The following ADGRL2 variants were observed in gnomAD, a reference collection of about 807,000 sequenced individuals.
ADGRL2 encodes adhesion G protein-coupled receptor L2, also known as calcium-independent alpha-latrotoxin receptor 2.
ADGRL2 carries 44 observed loss-of-function variants against 157.4 expected under a neutral mutation model. The observed-to-expected ratio is 0.28, with a 90% CI of 0.22 to 0.36. ADGRL2 has a LOEUF of 0.36. Among genes scored for constraint, ADGRL2 ranks in the 10% least tolerant of loss-of-function variants. The probability of loss-of-function intolerance (pLI) is 1.00; values close to 1 mark genes in which losing one functional copy is unlikely to be tolerated. For missense variants in ADGRL2, 1,510 were observed against 1,768.9 expected (o/e 0.85, Z 2.63); for synonymous variants, 585 against 624.7 (o/e 0.94, Z 0.95).
In ADGRL2 at chr1:81,965,144, G is replaced by A. The variant is rs528906611; in HGVS notation, c.2018-914G>A. On this transcript the variant is annotated intron_variant, in intron 11 of 23. Transcript: ENST00000686636. ...TTTTCCTTAAGTGTTTGTCAATTTC[G>A]ATACTTGGTTTGAATTTTTGAAATT... Among the ~76,000 whole-genome samples the A allele has an allele frequency of 7.2e-5, 11 of 152,146 alleles. No homozygotes were observed. In the East Asian group the frequency reaches 7.7e-4, roughly 11 times the overall value.
chr1:81,437,598 C>T (rs573693337), intron 1 of ADGRL2, among the ~76,000 whole-genome samples: 1 of 152,140 alleles, frequency 6.6e-6, no homozygotes, highest in Non-Finnish European at 1.5e-5. Flanking sequence ...CTTCCCATTT[C>T]TTTGATAATT....
At chr1:81,746,889 T>C (rs913120132) in intron 1 of ADGRL2, among the ~76,000 whole-genome samples, 30 of 150,108 alleles carry the variant, frequency 2.0e-4, no homozygotes, top group Non-Finnish European at 3.0e-5. Context: ...CGTGCACACG[T>C]ATACACGTAT....
Position 81,969,234 on chromosome 1 carries a change from C to G in ADGRL2, c.2580C>G (p.Val860=). Residue 860 remains valine, a synonymous_variant, in exon 15 of 24, where the codon GTC becomes GTG. Coordinates refer to ENST00000686636, the MANE Select transcript of ADGRL2 (RefSeq NM_001366006.2). ...LLTVITWVGI[V]ISLVCLAICI... Reference sequence around the variant, plus strand: ...CAGTCATCACCTGGGTGGGAATTGTCATTTCCCTTGTTTGCCTGGCTATCT... The same window carrying G: ...CAGTCATCACCTGGGTGGGAATTGTGATTTCCCTTGTTTGCCTGGCTATCT... The G allele has an allele frequency of 6.2e-7, 1 of 1,614,058 alleles. No homozygotes were observed. Among genetic ancestry groups the G allele is most frequent in the Non-Finnish European group, 8.5e-7 (1 of 1,179,960 alleles).
chr1:81,615,445 T>C (rs1332252809), intron 3 of ADGRL2, among the ~76,000 whole-genome samples: 2 of 152,206 alleles, frequency 1.3e-5, no homozygotes, highest in South Asian at 2.1e-4. Context: ...CTTTAAGAGC[T>C]GTAACACTCA....
At chr1:81,370,623 A>C (rs1278596375) in intron 1 of ADGRL2, among the ~76,000 whole-genome samples, 2 of 152,294 alleles carry the variant, frequency 1.3e-5, no homozygotes, top group Non-Finnish European at 2.9e-5. Flanking sequence ...CCTACAAAAA[A>C]GTTTTCAGAT....
chr1:81,648,213 C>A (rs900815097), intron 3 of ADGRL2, among the ~76,000 whole-genome samples: 9 of 152,152 alleles, frequency 5.9e-5, no homozygotes, highest in African/African-American at 2.2e-4. Context: ...TAGAGCTGAA[C>A]TAAGAACCGC....
At chr1:81,893,977 G>A (rs144575164) in intron 2 of ADGRL2, among the ~76,000 whole-genome samples, 1 of 152,106 alleles carries the variant, frequency 6.6e-6, no homozygotes, top group Non-Finnish European at 1.5e-5. Flanking sequence ...GTCATTTAAG[G>A]AATGACTTTA....
chr1:81,683,705 G>C (rs1170996914), intron 3 of ADGRL2, among the ~76,000 whole-genome samples: 1 of 152,012 alleles, frequency 6.6e-6, no homozygotes, highest in African/African-American at 2.4e-5. Context: ...ATATATCACA[G>C]TTTCTTTATC....
At chr1:81,469,015 T>C (rs2078116410) in intron 2 of ADGRL2, among the ~76,000 whole-genome samples, 1 of 152,188 alleles carries the variant, frequency 6.6e-6, no homozygotes, top group Non-Finnish European at 1.5e-5. Context: ...AGATGACTTC[T>C]GTCCTTTTTT....
At chr1:81,536,685 G>A (rs570021716) in intron 2 of ADGRL2, among the ~76,000 whole-genome samples, 138 of 151,768 alleles carry the variant, frequency 9.1e-4, no homozygotes, top group Non-Finnish European at 6.6e-4. Context: ...GTTTTGTTTT[G>A]TTTTTAACAA....
chr1:81,450,898 G>T (rs974742242), intron 2 of ADGRL2, among the ~76,000 whole-genome samples: 2 of 152,114 alleles, frequency 1.3e-5, no homozygotes, highest in African/African-American at 4.8e-5. Flanking sequence ...CAATCTGACT[G>T]TAAGTTAGGT....
rs778196624 is a variant in ADGRL2, at chr1:81,986,878, G to T, written c.3509-23G>T. ...CTGATGTACTTTTCTCTGTTTTTTT[G>T]TTGTTTTTTTTTTTTACTTTAGGAA... is the stretch of plus-strand genomic sequence containing the variant. On this transcript the variant is annotated intron_variant, in intron 21 of 23. Transcript: ENST00000686636. The T allele has an allele frequency of 3.2e-4, 503 of 1,572,544 alleles. 1 individual carries two copies. The highest frequency in any genetic ancestry group is 2.3e-3 in the South Asian group (197 of 85,934).
chr1:81,374,578 G>GAAAACAAAAAAACAAA (rs1553158624), intron 1 of ADGRL2, among the ~76,000 whole-genome samples: 2 of 130,266 alleles, frequency 1.5e-5, no homozygotes, highest in South Asian at 2.4e-4. Flanking sequence ...TCTCAAAAAA[G>GAAAACAAAAAAACAAA]AAAAAAAAAA....
intron 2 of ADGRL2, among the ~76,000 whole-genome samples, chr1:81,869,199 T>A (rs991981127): frequency 1.3e-5 from 2 of 152,126 alleles, no homozygotes; most frequent in Non-Finnish European, 2.9e-5. Context: ...TGTTAAGATA[T>A]ACTTATAAAT....
intron 2 of ADGRL2, among the ~76,000 whole-genome samples, chr1:81,902,365 A>C (rs2094502842): frequency 1.3e-5 from 2 of 152,144 alleles, no homozygotes; most frequent in African/African-American, 4.8e-5. Context: ...TAGGAGGCCA[A>C]AGTGGGCAGA....
chr1:81,596,529 C>T (rs1008355091), intron 3 of ADGRL2: 4 of 366,054 alleles, frequency 1.1e-5, no homozygotes, highest in Admixed American at 9.0e-5. Context: ...GCTCCCTGAC[C>T]GACTTGTTCC....
Position 81,903,773 on chromosome 1 carries a change from T to TTA in ADGRL2, c.74-3235_74-3234dup, listed in dbSNP as rs554286014. On this transcript the variant is annotated intron_variant, in intron 2 of 23. Transcript: ENST00000686636. ...TATATATACACATTATATATACACA[T>TTA]TATATATATACACATTATATATATA... 2.6e-3 allele frequency among the ~76,000 whole-genome samples: 373 copies of TTA among 144,056 alleles called. 1 individual carries two copies. Among genetic ancestry groups the TTA allele is most frequent in the Middle Eastern group, 0.025 (7 of 276 alleles). The allele number at this position is 144,056 out of a possible 152,430, so 94.5% of individuals were successfully genotyped here. A position where few individuals can be genotyped will look rare whatever the true frequency, so the allele number is the denominator to read the frequency against.
At position 81,710,513 on chromosome 1, in the gene ADGRL2, G is replaced by A. The variant is rs1241484056; in HGVS notation, c.-143+10705G>A. 2.6e-5 allele frequency among the ~76,000 whole-genome samples: 4 copies of A among 151,142 alleles called. No homozygotes were observed. In the East Asian group the frequency reaches 5.8e-4, roughly 22 times the overall value. On this transcript the variant is annotated intron_variant, in intron 1 of 20. Coordinates refer to the ADGRL2 transcript ENST00000359929. ...CACACACCTGTAGTCCCAGCTACTC[G>A]GGAGGCTGAGGCATGAAAATCACTT... is the stretch of plus-strand genomic sequence containing the variant.
At chr1:81,610,704 A>T (rs1201457800) in intron 3 of ADGRL2, among the ~76,000 whole-genome samples, 3 of 152,180 alleles carry the variant, frequency 2.0e-5, no homozygotes, top group Admixed American at 2.0e-4. Context: ...AAAAGAGATT[A>T]TGGTGGTCTA....
Sources: gnomAD v4.1 joint callset for allele counts (sites outside exome capture counted in the v4.1 genomes callset) on GRCh38, gnomAD v4.1.1 for gene constraint, MANE v1.5 for transcripts, NCBI Gene and HGNC (gene_info 2026-07-23, HGNC 2026-07-21) for gene names.